CAND1: variants seen among roughly 807,000 people sequenced by gnomAD.
CAND1 encodes cullin-associated NEDD8-dissociated protein 1.
A neutral mutation model predicts 108.5 loss-of-function variants in CAND1; 7 were observed. That is an observed-to-expected ratio of 0.06 (90% CI 0.04 to 0.12). CAND1 has a LOEUF of 0.12. CAND1 is among the 10% of genes least tolerant of loss of function. CAND1 has a pLI of 1.00. For missense variants in CAND1, 941 were observed against 1,448.7 expected, an observed-to-expected ratio of 0.65 and a Z score of 5.69; for synonymous variants, 534 against 512.0, an observed-to-expected ratio of 1.04 and a Z score of -0.58.
chr12:67,301,495 A>C (rs2044824198), intron 7 of CAND1, among the ~76,000 whole-genome samples: 1 of 152,170 alleles, frequency 6.6e-6, no homozygotes, highest in African/African-American at 2.4e-5. Flanking sequence ...TACCCAACTA[A>C]TTAAACCTGA....
intron 2 of CAND1, among the ~76,000 whole-genome samples, chr12:67,289,874 A>G (rs1335584654): frequency 6.6e-6 from 1 of 152,028 alleles, no homozygotes; most frequent in Admixed American, 6.5e-5. Context: ...TGACCTGCCT[A>G]CTACTTCTTT....
At chr12:67,312,343 C>T (rs1027457852) in intron 14 of CAND1, among the ~76,000 whole-genome samples, 4 of 151,962 alleles carry the variant, frequency 2.6e-5, no homozygotes, top group Admixed American at 1.3e-4. Context: ...ATAGTTGAAA[C>T]AAAGAGTGTC....
chr12:67,312,873 G>A lies in CAND1; in HGVS notation c.*43G>A. The A allele has an allele frequency of 8.3e-7, 1 of 1,203,302 alleles. No homozygotes were observed. The highest frequency in any genetic ancestry group is 1.2e-6 in the Non-Finnish European group (1 of 841,312). 74.5% of individuals were successfully genotyped at this position (1,203,302 alleles called of 1,614,324 possible). On this transcript the variant is annotated 3_prime_UTR_variant, in exon 15 of 15. Transcript: ENST00000545606. ...GGACCATTACATATGACCATACAAT[G>A]CACTGAATTGACAGGTTAATCATAA...
intron 1 of CAND1, among the ~76,000 whole-genome samples, chr12:67,273,503 T>TAGG (rs1260329183): frequency 7.0e-6 from 1 of 143,072 alleles, no homozygotes; most frequent in African/African-American, 2.6e-5. Context: ...TTTTTAGAGA[T>TAGG]AGGGTCTCGC....
intron 2 of CAND1, among the ~76,000 whole-genome samples, chr12:67,287,821 A>G (rs1404397671): frequency 7.2e-6 from 1 of 138,440 alleles, no homozygotes. Context: ...GGGTATATTC[A>G]TTATTCAGTT....
rs759442057 is a variant in CAND1, at chr12:67,281,936, C to T, written c.95C>T (p.Thr32Met). ...TTTATGGCTACAAATGATTTGATGA[C>T]GGAACTGCAGAAAGATTCCATCAAG... ...FRFMATNDLM[T>M]ELQKDSIKLD... Residue 32 changes from threonine (T) to methionine (M), a missense_variant, in exon 2 of 15, where the codon ACG becomes ATG. This residue lies in a region of CAND1 where 44 missense variants were observed against 129.1 expected (regional missense o/e 0.34). Coordinates refer to ENST00000545606, the MANE Select transcript of CAND1 (RefSeq NM_018448.5). 18 of 1,606,878 alleles carry T rather than the reference C, an allele frequency of 1.1e-5. No homozygotes were observed. The highest frequency in any genetic ancestry group is 4.5e-5 in the East Asian group (2 of 44,656).
chr12:67,306,661 C>T, intron 10 of CAND1, 64 bp downstream of exon 10: 1 of 1,242,070 alleles, frequency 8.1e-7, no homozygotes, highest in South Asian at 1.5e-5. Context: ...TTAAAAGACA[C>T]CTAATAAAGA....
Position 67,315,091 on chromosome 12 carries a change from C to G in CAND1, c.*2261C>G, listed in dbSNP as rs1015643051. The G allele has an allele frequency of 6.6e-6, 1 of 152,174 alleles. No individual in the cohort carries two copies. Among genetic ancestry groups the G allele is most frequent in the African/African-American group, 2.4e-5 (1 of 41,446 alleles). The allele number at this position is 152,174 out of a possible 1,614,324, so 9.4% of individuals were successfully genotyped here. On this transcript the variant is annotated 3_prime_UTR_variant, in exon 15 of 15. Transcript: ENST00000545606. ...TCCTGAGGAGATCTAAAAGTTAATA[C>G]AAAACCAAGCTGTTTACTGATTTTC... is the stretch of plus-strand genomic sequence containing the variant.
chr12:67,281,851 T>C, intron 1 of CAND1, 59 bp from the exon 2 acceptor site: 1 of 1,246,680 alleles, frequency 8.0e-7, no homozygotes, highest in African/African-American at 1.5e-5. Flanking sequence ...GAAAAATCAT[T>C]ATCTTTTTAA....
In CAND1 at chr12:67,292,719, G is replaced by A; in HGVS notation, c.310G>A (p.Asp104Asn). Residue 104 changes from aspartate to asparagine, a missense_variant, in exon 3 of 15, where the codon GAC becomes AAC. Physicochemically the swap from Asp to Asn is conservative, Grantham distance 23. Transcript: ENST00000545606. ...GCTTTCTGATAAAGAACAACTTCGA[G>A]ACATTTCAAGTATTGGTCTTAAAAC... ...NMLSDKEQLR[D>N]ISSIGLKTVI... The A allele has an allele frequency of 6.2e-7, 1 of 1,613,782 alleles. No individual in the cohort carries two copies. Among genetic ancestry groups the A allele is most frequent in the Non-Finnish European group, 8.5e-7 (1 of 1,179,838 alleles).
chr12:67,310,612 A>T (rs2044938946), intron 13 of CAND1: 1 of 196,446 alleles, frequency 5.1e-6, no homozygotes, highest in African/African-American at 2.3e-5. Context: ...AAGTCCCGAC[A>T]GATTTTGCTG....
intron 1 of CAND1, among the ~76,000 whole-genome samples, chr12:67,274,521 C>T (rs1274413216): frequency 2.0e-5 from 3 of 152,172 alleles, no homozygotes; most frequent in South Asian, 2.1e-4. Flanking sequence ...TCTTACTAAA[C>T]GGAATCGTTC....
In CAND1 at chr12:67,316,894, A is replaced by T. The variant is rs2045012383; in HGVS notation, c.*4064A>T. The T allele has an allele frequency of 6.6e-6, 1 of 152,228 alleles. No individual in the cohort carries two copies. The highest frequency in any genetic ancestry group is 2.4e-5 in the African/African-American group (1 of 41,438). The allele number at this position is 152,228 out of a possible 1,614,324, so 9.4% of individuals were successfully genotyped here. A position where few individuals can be genotyped will look rare whatever the true frequency, so the allele number is the denominator to read the frequency against. On this transcript the variant is annotated 3_prime_UTR_variant, in exon 15 of 15. Transcript: ENST00000545606. ...GGCCAGATGGCAGCTCACGCCTGTA[A>T]TCTCAGCACTTTGGGAGGCCAAGGT...
chr12:67,319,722 A>C lies in CAND1; in HGVS notation c.*6892A>C, dbSNP rs1432870623. 1 of 152,152 alleles carries C rather than the reference A, an allele frequency of 6.6e-6. No individual in the cohort carries two copies. The highest frequency in any genetic ancestry group is 2.4e-5 in the African/African-American group (1 of 41,438). 9.4% of individuals were successfully genotyped at this position (152,152 alleles called of 1,614,324 possible). On this transcript the variant is annotated 3_prime_UTR_variant, in exon 15 of 15. Coordinates refer to ENST00000545606, the MANE Select transcript of CAND1 (RefSeq NM_018448.5). ...AACGTAGTTCCAGTTTCTGTATCTAAAGACTCAGCTTGGAGTCACTTGTCT... is the reference window on the plus strand; with the variant it reads ...AACGTAGTTCCAGTTTCTGTATCTACAGACTCAGCTTGGAGTCACTTGTCT...
intron 7 of CAND1, among the ~76,000 whole-genome samples, chr12:67,300,586 G>A (rs1447481238): frequency 6.6e-6 from 1 of 151,958 alleles, no homozygotes; most frequent in Non-Finnish European, 1.5e-5. Context: ...ACATCCCTCA[G>A]CTAGTCTTCC....
At chr12:67,287,198 A>G (rs1221076177) in intron 2 of CAND1, among the ~76,000 whole-genome samples, 2 of 152,224 alleles carry the variant, frequency 1.3e-5, no homozygotes, top group African/African-American at 2.4e-5. Flanking sequence ...TGTAACAATC[A>G]GAAATGTCTC....
chr12:67,275,474 A>T (rs1152900), intron 1 of CAND1, among the ~76,000 whole-genome samples: 2 of 151,720 alleles, frequency 1.3e-5, no homozygotes, highest in African/African-American at 2.4e-5. Flanking sequence ...TTGCGTGAGC[A>T]GAGATTGCAC....
rs2044834980 is a variant in CAND1 at position 67,302,446 on chromosome 12, T to C, written c.1124T>C (p.Val375Ala). 6.2e-7 allele frequency: 1 copy of C among 1,613,988 alleles called. No individual in the cohort carries two copies. Among genetic ancestry groups the C allele is most frequent in the Non-Finnish European group, 8.5e-7 (1 of 1,179,990 alleles). The change falls in exon 8 of 15, where the codon GTC becomes GCC. Residue 375 changes from valine (V) to alanine (A), a missense_variant. Coordinates refer to ENST00000545606, the MANE Select transcript of CAND1 (RefSeq NM_018448.5). The part of the protein sequence containing the change: ...HEMLPEFYKT[V>A]SPALISRFKE... ...ATGCTTCCAGAATTCTACAAGACCG[T>C]CTCTCCTGCACTAATATCCAGATTT...
In CAND1 at chr12:67,269,575, A is replaced by C. The variant is rs1592597798; in HGVS notation, c.-143A>C. The C allele has an allele frequency of 3.1e-6, 2 of 651,508 alleles. No homozygotes were observed. Among genetic ancestry groups the C allele is most frequent in the Non-Finnish European group, 5.2e-6 (2 of 387,710 alleles). The allele number at this position is 651,508 out of a possible 1,614,324, so 40.4% of individuals were successfully genotyped here. ...GGGCAGCCCGTCGAGGCGCCTCCCT[A>C]GTCAGCGTCGGCGTCGCGCTGCGAC... On this transcript the variant is annotated 5_prime_UTR_variant, in exon 1 of 15. Transcript: ENST00000545606.
Sources: allele counts gnomAD v4.1 joint callset (sites outside exome capture counted in the v4.1 genomes callset), GRCh38; gene constraint gnomAD v4.1.1; regional missense constraint gnomAD v4.1.1; transcripts MANE v1.5; gene names NCBI Gene and HGNC (gene_info 2026-07-23, HGNC 2026-07-21).